Variants in DNM2 observed in about 807,000 individuals in gnomAD.
The protein encoded by DNM2 is dynamin 2.
DNM2 carries 15 observed loss-of-function variants against 99.0 expected under a neutral mutation model. That is an observed-to-expected ratio of 0.15 (90% CI 0.10 to 0.23). The LOEUF (loss-of-function observed/expected upper bound fraction) is 0.23. Ranked by LOEUF, DNM2 falls within the 10% of genes least tolerant of loss-of-function variation. DNM2 has a pLI of 1.00. For synonymous variants in DNM2, 525 were observed against 481.2 expected (o/e 1.09, Z -1.19); for missense variants, 742 against 1,189.4 (o/e 0.62, Z 5.53).
rs1001084182 is a variant in DNM2, at chr19:10,831,399, G to C, written c.*352G>C. ...TTCTTGGGCTGGGAAAGCCCATGTA[G>C]GGCAGGCCTTCTATAAGTGCGGGCA... On this transcript the variant is annotated 3_prime_UTR_variant, in exon 21 of 21. Coordinates refer to ENST00000389253, the MANE Select transcript of DNM2 (RefSeq NM_001005361.3). This position sits in a 1 kb window ranked among gnomAD's most constrained non-coding sequence, Gnocchi z 4.3. The C allele has an allele frequency of 3.8e-6, 4 of 1,062,274 alleles. No individual in the cohort carries two copies. Among genetic ancestry groups the C allele is most frequent in the African/African-American group, 3.3e-5 (2 of 59,708 alleles). 65.8% of individuals were successfully genotyped at this position (1,062,274 alleles called of 1,614,324 possible). A position where few individuals can be genotyped will look rare whatever the true frequency, so the allele number is the denominator to read the frequency against.
chr19:10,771,347 G>A (rs755072793), intron 2 of DNM2, among the ~76,000 whole-genome samples: 5 of 152,064 alleles, frequency 3.3e-5, no homozygotes, highest in Non-Finnish European at 5.9e-5. Context: ...TACTTATTTT[G>A]TTCCCCTTCA....
At position 10,721,303 on chromosome 19, in the gene DNM2, CG is replaced by C. The variant is rs1224521432; in HGVS notation, c.161+2901del. Among the ~76,000 whole-genome samples the C allele has an allele frequency of 2.6e-5, 4 of 152,062 alleles. No individual in the cohort carries two copies. In the South Asian group the frequency reaches 8.3e-4, roughly 32 times the overall value. ...TCCCGAGTAGCTGGGATTACAGGCG[CG>C]CGTTACCACACCCGGCTAATTTTTG... On this transcript the variant is annotated intron_variant, in intron 1 of 20. Coordinates refer to ENST00000389253, the MANE Select transcript of DNM2 (RefSeq NM_001005361.3).
intron 11 of DNM2, among the ~76,000 whole-genome samples, chr19:10,799,929 A>C (rs538038159): frequency 6.6e-6 from 1 of 151,660 alleles, no homozygotes; most frequent in East Asian, 1.9e-4. Flanking sequence ...ACTGTCACCC[A>C]CGAAGCACTG....
intron 14 of DNM2, chr19:10,809,551 G>GGCCCAGTCCA (rs1414289461): frequency 6.6e-6 from 1 of 152,466 alleles, no homozygotes; most frequent in African/African-American, 2.4e-5. Flanking sequence ...ATGGGCGTGA[G>GGCCCAGTCCA]GCCCAGTCCA....
rs1196297924 is a variant in DNM2, at chr19:10,811,820, G to A, written c.1558-444G>A. 1.2e-5 allele frequency: 6 copies of A among 516,922 alleles called. No individual in the cohort carries two copies. Among genetic ancestry groups the A allele is most frequent in the South Asian group, 5.6e-5 (4 of 71,032 alleles). 32.0% of individuals were successfully genotyped at this position (516,922 alleles called of 1,614,324 possible). A position where few individuals can be genotyped will look rare whatever the true frequency, so the allele number is the denominator to read the frequency against. The stretch of plus-strand genomic sequence containing the variant: ...TTGCAGCCAGCTTGGGACATGAGCC[G>A]CGCTCCTTCAATGTCCTTGGGGAGG... On this transcript the variant is annotated intron_variant, in intron 14 of 20. Transcript: ENST00000389253. The surrounding 1 kb of genome is among the most constrained non-coding windows in gnomAD (Gnocchi z 5.4).
At position 10,831,592 on chromosome 19, in the gene DNM2, G is replaced by C. The variant is rs2073349070; in HGVS notation, c.*545G>C. 1 of 985,936 alleles carries C rather than the reference G, an allele frequency of 1.0e-6. No individual in the cohort carries two copies. Among genetic ancestry groups the C allele is most frequent in the Non-Finnish European group, 1.2e-6 (1 of 830,104 alleles). 61.1% of individuals were successfully genotyped at this position (985,936 alleles called of 1,614,324 possible). ...CGGCCATATTAACCACACAGCCTGA[G>C]CCTGGCCCAGCCTCGGCTGCCAGAG... On this transcript the variant is annotated 3_prime_UTR_variant, in exon 21 of 21. Coordinates refer to ENST00000389253, the MANE Select transcript of DNM2 (RefSeq NM_001005361.3). The surrounding 1 kb of genome is among the most constrained non-coding windows in gnomAD (Gnocchi z 4.3).
In DNM2 at chr19:10,811,854, G is replaced by A. The variant is rs749776148; in HGVS notation, c.1558-410G>A. On this transcript the variant is annotated intron_variant, in intron 14 of 20. Coordinates refer to ENST00000389253, the MANE Select transcript of DNM2 (RefSeq NM_001005361.3). The surrounding 1 kb of genome is among the most constrained non-coding windows in gnomAD (Gnocchi z 5.4). ...CAATGTCCTTGGGGAGGGCCCCTGG[G>A]CTCACACCTTTGACCCTAGCCCTCT... is the stretch of plus-strand genomic sequence containing the variant. The A allele has an allele frequency of 5.3e-5, 27 of 508,552 alleles. 1 individual carries two copies. The highest frequency in any genetic ancestry group is 3.6e-4 in the South Asian group (25 of 69,628). 31.5% of individuals were successfully genotyped at this position (508,552 alleles called of 1,614,324 possible).
intron 1 of DNM2, among the ~76,000 whole-genome samples, chr19:10,747,380 G>A (rs1298502043): frequency 1.3e-5 from 2 of 152,146 alleles, no homozygotes; most frequent in Admixed American, 6.6e-5. Flanking sequence ...CCAGAGCCAC[G>A]ATCACGAATT....
intron 1 of DNM2, among the ~76,000 whole-genome samples, chr19:10,737,201 A>C (rs149665471): frequency 6.6e-6 from 1 of 152,060 alleles, no homozygotes; most frequent in East Asian, 1.9e-4. Context: ...GTAAAAATGA[A>C]GTCGTCCCTG....
intron 11 of DNM2, among the ~76,000 whole-genome samples, 195 bp from the exon 12 acceptor site, chr19:10,802,093 G>A (rs931226947): frequency 4.6e-5 from 7 of 152,034 alleles, no homozygotes; most frequent in East Asian, 1.9e-4. Flanking sequence ...ATTGGGCTGC[G>A]TGGCTGTGCT....
intron 18 of DNM2, 128 bp from the exon 19 acceptor site, chr19:10,828,908 G>A (rs1195114012): frequency 2.1e-6 from 2 of 963,446 alleles, no homozygotes; most frequent in Non-Finnish European, 3.2e-6. Context: ...CTGGGTGACA[G>A]AGCAAGACTC....
At chr19:10,792,488 A>G (rs1349320193) in intron 7 of DNM2, among the ~76,000 whole-genome samples, 3 of 152,254 alleles carry the variant, frequency 2.0e-5, no homozygotes, top group East Asian at 1.9e-4. Context: ...CACGATGCCA[A>G]TAGGCAATGC....
At chr19:10,766,136 T>C (rs1429810751) in intron 2 of DNM2, among the ~76,000 whole-genome samples, 1 of 152,122 alleles carries the variant, frequency 6.6e-6, no homozygotes, top group Admixed American at 6.6e-5. Flanking sequence ...CTCTCCTCCC[T>C]CTCTCCCTCT....
At position 10,784,819 on chromosome 19, in the gene DNM2, A is replaced by ATTTTTTTTTTTTTTTTTTTTTTTTTTT. The variant is rs35575438; in HGVS notation, c.849+1721_849+1722insTTTTTTTTTTTTTTTTTTTTTTTTTTT. On this transcript the variant is annotated intron_variant, in intron 6 of 20. Transcript: ENST00000389253. ...GTATTTATTTTTTATTTTTTTGATG[A>ATTTTTTTTTTTTTTTTTTTTTTTTTTT]TTTTTTTTTTTTTTTTTTTTTTGAG... 2.0e-5 allele frequency among the ~76,000 whole-genome samples: 2 copies of ATTTTTTTTTTTTTTTTTTTTTTTTTTT among 99,464 alleles called. 1 individual carries two copies. 65.3% of individuals were successfully genotyped at this position (99,464 alleles called of 152,430 possible).
intron 1 of DNM2, among the ~76,000 whole-genome samples, chr19:10,736,841 G>T (rs2069546744): frequency 6.6e-6 from 1 of 152,104 alleles, no homozygotes. Context: ...GTGGACAGAG[G>T]GAGCCTGTTA....
intron 2 of DNM2, 36 bp downstream of exon 2, chr19:10,759,847 G>A (rs1390430473): frequency 6.2e-7 from 1 of 1,613,516 alleles, no homozygotes; most frequent in Admixed American, 1.7e-5. Context: ...GCAGGAAGTG[G>A]ATGTGGATGT....
At chr19:10,783,151 T>G in intron 6 of DNM2, 31 bp downstream of exon 6, 1 of 1,604,640 alleles carries the variant, frequency 6.2e-7, no homozygotes, top group Non-Finnish European at 8.5e-7. Flanking sequence ...TAGTGTGCAG[T>G]GGCATAGGCT....
chr19:10,759,315 G>A (rs768501343), intron 1 of DNM2, among the ~76,000 whole-genome samples: 48 of 152,164 alleles, frequency 3.2e-4, no homozygotes, highest in Non-Finnish European at 6.0e-4. Flanking sequence ...TTCTGTAGAT[G>A]TGACTTTTCT....
At position 10,772,958 on chromosome 19, in the gene DNM2, G is replaced by A. The variant is rs2071028000; in HGVS notation, c.385+330G>A. On this transcript the variant is annotated intron_variant, in intron 3 of 20. Transcript: ENST00000389253. This position sits in a 1 kb window ranked among gnomAD's most constrained non-coding sequence, Gnocchi z 4.9. ...GGTGCCTCAAGAGAGGCCAGAACCA[G>A]TCTTCTGTAAAATATCCTGGGTTTT... Among the ~76,000 whole-genome samples, 1 of 148,298 alleles carries A rather than the reference G, an allele frequency of 6.7e-6. No homozygotes were observed. The highest frequency in any genetic ancestry group is 1.5e-5 in the Non-Finnish European group (1 of 67,530).
Sources: gnomAD v4.1 joint callset for allele counts (sites outside exome capture counted in the v4.1 genomes callset) on GRCh38, gnomAD v4.1.1 for gene constraint, Gnocchi (gnomAD v3.1) non-coding constraint, MANE v1.5 for transcripts, NCBI Gene and HGNC (gene_info 2026-07-23, HGNC 2026-07-21) for gene names.